Variants in CFAP46 observed in about 807,000 individuals in gnomAD.
CFAP46 encodes the protein cilia- and flagella-associated protein 46.
A neutral mutation model predicts 325.7 loss-of-function variants in CFAP46; 245 were observed. The ratio of observed to expected loss-of-function variants is 0.75; its 90% confidence interval spans 0.68 to 0.84. CFAP46 has a LOEUF of 0.84. CFAP46 is among the 40% of genes least tolerant of loss of function. The pLI is 0.00. For missense variants in CFAP46, 3,346 were observed against 3,543.0 expected, an observed-to-expected ratio of 0.94 and a Z score of 1.41; for synonymous variants, 1,523 against 1,495.9, an observed-to-expected ratio of 1.02 and a Z score of -0.42.
chr10:132,913,356 GGCAA>G, intron 17 of CFAP46, 98 bp from the exon 18 acceptor site: 3 of 663,714 alleles, frequency 4.5e-6, no homozygotes, highest in East Asian at 3.4e-5. Flanking sequence ...CAGGCTGCAG[GGCAA>G]GAAGTGGGAG....
chr10:132,879,112 C>T (rs1340401817), intron 29 of CFAP46, among the ~76,000 whole-genome samples: 2 of 152,070 alleles, frequency 1.3e-5, no homozygotes, highest in East Asian at 1.9e-4. Context: ...GGTGCCAGGG[C>T]GGGTGTCAGG....
At chr10:132,858,479 G>A (rs969563968) in intron 38 of CFAP46, among the ~76,000 whole-genome samples, 1 of 151,976 alleles carries the variant, frequency 6.6e-6, no homozygotes, top group African/African-American at 2.4e-5. Context: ...TGTGGGCGGG[G>A]CCAGGGAGGC....
chr10:132,861,033 G>T, intron 35 of CFAP46, 51 bp from the exon 36 acceptor site: 1 of 1,516,768 alleles, frequency 6.6e-7, no homozygotes. Flanking sequence ...GATGTGTGCA[G>T]GCAGGGAGAC....
chr10:132,916,730 C>G, intron 16 of CFAP46, 48 bp from the exon 17 acceptor site: 1 of 1,408,068 alleles, frequency 7.1e-7, no homozygotes, highest in Non-Finnish European at 9.3e-7. Context: ...GAGCACGGGC[C>G]CAGCACCAGA....
At chr10:132,937,509 G>T in intron 6 of CFAP46, 43 bp downstream of exon 6, 5 of 1,610,616 alleles carry the variant, frequency 3.1e-6, no homozygotes, top group African/African-American at 1.3e-5. Flanking sequence ...TGACTTTTAA[G>T]AAAATTACTT....
chr10:132,906,880 G>A (rs955290904), intron 22 of CFAP46, among the ~76,000 whole-genome samples: 1 of 152,122 alleles, frequency 6.6e-6, no homozygotes, highest in Admixed American at 6.5e-5. Context: ...AGTGAATGGG[G>A]TCCTGGCGCG....
At chr10:132,934,039 C>T (rs1403703450) in intron 8 of CFAP46, among the ~76,000 whole-genome samples, 1 of 152,202 alleles carries the variant, frequency 6.6e-6, no homozygotes, top group Non-Finnish European at 1.5e-5. Context: ...GGTCATGGAC[C>T]TGTGTTGTTT....
Position 132,938,768 on chromosome 10 carries a change from G to A in CFAP46, c.372-15C>T, listed in dbSNP as rs747811163. 3.7e-6 allele frequency: 6 copies of A among 1,607,390 alleles called. No individual in the cohort carries two copies. Among genetic ancestry groups the A allele is most frequent in the Non-Finnish European group, 5.1e-6 (6 of 1,176,790 alleles). On this transcript the variant is annotated splice_polypyrimidine_tract_variant and intron_variant, in intron 4 of 57. Transcript: ENST00000368586. ...AAAAGTAGTACCTGCGGCGCGAGCA[G>A]AGGAAGCAGAGAGCACGCTCAAAGC...
chr10:132,898,841 G>A, intron 24 of CFAP46, 118 bp downstream of exon 24: 1 of 1,341,418 alleles, frequency 7.5e-7, no homozygotes, highest in East Asian at 2.5e-5. Flanking sequence ...GCTGGTGCTG[G>A]TGCACCCTCT....
intron 4 of CFAP46, among the ~76,000 whole-genome samples, chr10:132,940,609 T>C (rs1161068434): frequency 1.3e-5 from 2 of 151,602 alleles, no homozygotes; most frequent in Admixed American, 6.6e-5. Context: ...ATACAGAGTC[T>C]CGCTGTCATC....
chr10:132,875,815 A>T (rs976315993), intron 31 of CFAP46, among the ~76,000 whole-genome samples: 1 of 151,448 alleles, frequency 6.6e-6, no homozygotes, highest in African/African-American at 2.4e-5. Context: ...AAATGAAAAC[A>T]TCAAAAAAAA....
chr10:132,893,887 G>A (rs117499916), intron 24 of CFAP46, among the ~76,000 whole-genome samples: 6,830 of 151,674 alleles, frequency 0.045, 219 homozygotes, highest in Non-Finnish European at 0.063. Flanking sequence ...TGGGTTTGCC[G>A]CAGGTAACAC....
intron 50 of CFAP46, among the ~76,000 whole-genome samples, chr10:132,822,957 GGTGATGTGTGCTGTGTGTGCA>G (rs1203438092): frequency 1.2e-3 from 161 of 136,590 alleles, no homozygotes; most frequent in African/African-American, 4.2e-3. Flanking sequence ...CTGTGTGTGT[GGTGATGTGTGCTGTGTGTGCA>G]GTGATGTGTG....
At chr10:132,885,392 G>A (rs1849107237) in intron 26 of CFAP46, 106 bp from the exon 27 acceptor site, 9 of 1,192,972 alleles carry the variant, frequency 7.5e-6, no homozygotes, top group African/African-American at 3.1e-5. Context: ...TTAAAAAGAC[G>A]AAGCAAAGCA....
intron 17 of CFAP46, among the ~76,000 whole-genome samples, chr10:132,915,616 C>G (rs1242167923): frequency 6.6e-6 from 1 of 150,850 alleles, no homozygotes; most frequent in Non-Finnish European, 1.5e-5. Context: ...CCAGCTTCTG[C>G]CCCGAGGGAC....
At position 132,932,821 on chromosome 10, in the gene CFAP46, C is replaced by T. The variant is rs565023387; in HGVS notation, c.866+1931G>A. On this transcript the variant is annotated intron_variant, in intron 8 of 57. Coordinates refer to ENST00000368586, the MANE Select transcript of CFAP46 (RefSeq NM_001200049.3). Reference sequence around the variant, plus strand: ...GAGCACAGCGGGTGCTCTCAGCTCTCCACTCTAAGGCTTCCTGTTGAGCTG... The same window carrying T: ...GAGCACAGCGGGTGCTCTCAGCTCTTCACTCTAAGGCTTCCTGTTGAGCTG... Among the ~76,000 whole-genome samples, 5 of 152,388 alleles carry T rather than the reference C, an allele frequency of 3.3e-5. No individual in the cohort carries two copies. In the East Asian group the frequency reaches 5.8e-4, roughly 18 times the overall value.
Position 132,941,636 on chromosome 10 carries a change from G to C in CFAP46, c.261C>G (p.His87Gln). 6.2e-7 allele frequency: 1 copy of C among 1,614,016 alleles called. No individual in the cohort carries two copies. The highest frequency in any genetic ancestry group is 8.5e-7 in the Non-Finnish European group (1 of 1,180,030). Residue 87 changes from histidine to glutamine, a missense_variant, in exon 3 of 58, where the codon CAC (histidine) becomes CAG (glutamine). Coordinates refer to ENST00000368586, the MANE Select transcript of CFAP46 (RefSeq NM_001200049.3). Reference protein sequence around the residue: ...APITQFLGRAHLCRAQMCAPK... With the variant: ...APITQFLGRAQLCRAQMCAPK... The stretch of plus-strand genomic sequence containing the variant: ...GGGCACACATCTGGGCCCTGCACAG[G>C]TGCGCTCGGCCCAGAAACTGGGTGA...
intron 2 of CFAP46, 37 bp from the exon 3 acceptor site, chr10:132,941,759 G>T: frequency 1.2e-6 from 2 of 1,611,722 alleles, no homozygotes; most frequent in South Asian, 1.1e-5. Flanking sequence ...TCACAGACCC[G>T]GAGGGGTGGC....
intron 50 of CFAP46, among the ~76,000 whole-genome samples, chr10:132,822,324 ATG>A (rs1847874691): frequency 1.2e-5 from 1 of 80,042 alleles, no homozygotes; most frequent in African/African-American, 5.1e-5. Flanking sequence ...GTGTGTGGTG[ATG>A]TGTGCTGTGT....
Sources: gnomAD v4.1 joint callset for allele counts (sites outside exome capture counted in the v4.1 genomes callset) on GRCh38, gnomAD v4.1.1 for gene constraint, MANE v1.5 for transcripts, NCBI Gene and HGNC (gene_info 2026-07-23, HGNC 2026-07-21) for gene names.